The following ACOT7 variants were observed in gnomAD, a reference collection of about 807,000 sequenced individuals.
ACOT7 encodes acyl-CoA thioesterase 7.
Under a neutral mutation model 40.2 loss-of-function variants are expected in ACOT7, and 12 were observed. The observed-to-expected ratio is 0.30, with a 90% CI of 0.19 to 0.48. The LOEUF (loss-of-function observed/expected upper bound fraction) is 0.48. Among genes scored for constraint, ACOT7 ranks in the 20% least tolerant of loss-of-function variants. The probability of loss-of-function intolerance (pLI) is 0.99; values close to 1 mark genes in which losing one functional copy is unlikely to be tolerated. For missense variants in ACOT7, 395 were observed against 530.8 expected, an observed-to-expected ratio of 0.74 and a Z score of 2.51; for synonymous variants, 228 against 219.5, an observed-to-expected ratio of 1.04 and a Z score of -0.34.
In ACOT7 at chr1:6,358,874, C is replaced by T. The variant is rs1438357292; in HGVS notation, c.144-9008G>A. ...GGCTAGGACATCCCAGGATCAGATGCAGAGAAAGGCGAGGGAGCAGGGAAG... is the reference window on the plus strand; with the variant it reads ...GGCTAGGACATCCCAGGATCAGATGTAGAGAAAGGCGAGGGAGCAGGGAAG... On this transcript the variant is annotated intron_variant, in intron 1 of 8. Coordinates refer to ENST00000361521, the MANE Select transcript of ACOT7 (RefSeq NM_007274.4). This position sits in a 1 kb window ranked among gnomAD's most constrained non-coding sequence, Gnocchi z 4.1. 1 of 1,613,438 alleles carries T rather than the reference C, an allele frequency of 6.2e-7. No homozygotes were observed. Among genetic ancestry groups the T allele is most frequent in the East Asian group, 2.2e-5 (1 of 44,844 alleles).
intron 4 of ACOT7, among the ~76,000 whole-genome samples, chr1:6,331,069 G>C (rs1012589692): frequency 6.6e-6 from 1 of 152,120 alleles, no homozygotes; most frequent in Non-Finnish European, 1.5e-5. Context: ...TGCTCCTTAG[G>C]TCTTCAATCA....
Position 6,306,819 on chromosome 1 carries a change from G to C in ACOT7, c.712+11673C>G. ...GCAGTGGGGGCTCCGGCCAAACAAG[G>C]TCACGGAATTGGAAAAGAGTAACTG... On this transcript the variant is annotated intron_variant, in intron 6 of 8. Transcript: ENST00000361521. This position sits in a 1 kb window ranked among gnomAD's most constrained non-coding sequence, Gnocchi z 4.3. The C allele has an allele frequency of 6.2e-6, 8 of 1,289,080 alleles. No individual in the cohort carries two copies. Among genetic ancestry groups the C allele is most frequent in the Non-Finnish European group, 8.1e-6 (8 of 988,638 alleles). 79.9% of individuals were successfully genotyped at this position (1,289,080 alleles called of 1,614,324 possible).
chr1:6,364,173 G>A (rs1156333819), intron 1 of ACOT7, among the ~76,000 whole-genome samples: 3 of 151,354 alleles, frequency 2.0e-5, no homozygotes, highest in African/African-American at 7.3e-5. Flanking sequence ...GCAACAAGAC[G>A]AGACTCCACC....
At position 6,281,095 on chromosome 1, in the gene ACOT7, C is replaced by T. The variant is rs759754776; in HGVS notation, c.1014+7G>A. The T allele has an allele frequency of 5.6e-6, 9 of 1,612,474 alleles. No homozygotes were observed. In the East Asian group the frequency reaches 2.0e-4, roughly 36 times the overall value. On this transcript the variant is annotated splice_region_variant and intron_variant, in intron 8 of 8. Transcript: ENST00000361521. ...GAGGGGCCGCCGTTCCAAGGATGCG[C>T]ACTCACCACCAGCTGGGGCACAGGC...
intron 1 of ACOT7, among the ~76,000 whole-genome samples, chr1:6,381,601 T>C (rs1348040189): frequency 2.0e-5 from 3 of 151,820 alleles, no homozygotes; most frequent in Non-Finnish European, 4.4e-5. Flanking sequence ...TAAAATGGCA[T>C]AGCCGCTGTG....
intron 5 of ACOT7, among the ~76,000 whole-genome samples, chr1:6,326,083 GGCTGCCATCCCGCAT>G (rs1242446571): frequency 2.1e-4 from 32 of 152,202 alleles, no homozygotes; most frequent in African/African-American, 7.7e-4. Context: ...ACCCTCCTCA[GGCTGCCATCCCGCAT>G]GAGGTACCCT....
At chr1:6,341,210 C>A (rs923057193) in intron 2 of ACOT7, among the ~76,000 whole-genome samples, 2 of 151,054 alleles carry the variant, frequency 1.3e-5, no homozygotes, top group African/African-American at 2.4e-5. Flanking sequence ...GGTGCAATCT[C>A]GGTTCACTGC....
At position 6,330,136 on chromosome 1, in the gene ACOT7, TATATATA is replaced by T. The variant is rs775121444; in HGVS notation, c.511-2730_511-2724del. 1.3e-5 allele frequency among the ~76,000 whole-genome samples: 2 copies of T among 152,230 alleles called. No individual in the cohort carries two copies. Among genetic ancestry groups the T allele is most frequent in the Admixed American group, 1.3e-4 (2 of 15,284 alleles). Reference sequence around the variant, plus strand: ...TATGTGACATCTCTATTTGTATGTGTATATATAATATATATCTGTATATCTATACATA... The same window carrying T: ...TATGTGACATCTCTATTTGTATGTGTATATATATCTGTATATCTATACATA... On this transcript the variant is annotated intron_variant, in intron 4 of 8. Transcript: ENST00000361521. This position sits in a 1 kb window ranked among gnomAD's most constrained non-coding sequence, Gnocchi z 4.6.
At chr1:6,336,233 C>T (rs1641097610) in intron 3 of ACOT7, among the ~76,000 whole-genome samples, 1 of 147,320 alleles carries the variant, frequency 6.8e-6, no homozygotes, top group African/African-American at 2.5e-5. Context: ...ACTCGGGAGG[C>T]TGAGGCAGGA....
chr1:6,376,113 T>C (rs6577574), intron 1 of ACOT7, among the ~76,000 whole-genome samples: 54,627 of 151,356 alleles, frequency 0.36, 14,885 homozygotes, highest in African/African-American at 0.77. Context: ...AAATTAGCCA[T>C]GCGTGGTGGC....
rs974012094 is a variant in ACOT7 at position 6,385,930 on chromosome 1, G to A, written c.143+7327C>T. The A allele has an allele frequency of 3.0e-6, 3 of 998,720 alleles. No homozygotes were observed. The African/African-American group carries it at 4.9e-5, about 16-fold the overall frequency. The allele number at this position is 998,720 out of a possible 1,614,324, so 61.9% of individuals were successfully genotyped here. ...ATCCATGACTCGGCCTGAACTCACA[G>A]ACAGGGAAACAGGACAGGGCCACCA... On this transcript the variant is annotated intron_variant, in intron 1 of 8. Coordinates refer to ENST00000361521, the MANE Select transcript of ACOT7 (RefSeq NM_007274.4).
At position 6,352,492 on chromosome 1, in the gene ACOT7, C is replaced by T. The variant is rs1641618665; in HGVS notation, c.144-2626G>A. 6.6e-6 allele frequency among the ~76,000 whole-genome samples: 1 copy of T among 152,246 alleles called. No homozygotes were observed. The highest frequency in any genetic ancestry group is 2.4e-5 in the African/African-American group (1 of 41,472). On this transcript the variant is annotated intron_variant, in intron 1 of 8. Coordinates refer to ENST00000361521, the MANE Select transcript of ACOT7 (RefSeq NM_007274.4). The surrounding 1 kb of genome is among the most constrained non-coding windows in gnomAD (Gnocchi z 4.5). ...TGGCCAAGGCCAACCGTGTCCATCC[C>T]AGGACAGGGTCATGACTGCCTCTGT...
chr1:6,353,619 G>C (rs1283346617), intron 1 of ACOT7, among the ~76,000 whole-genome samples: 2 of 152,252 alleles, frequency 1.3e-5, no homozygotes, highest in Admixed American at 1.3e-4. Flanking sequence ...GGGTGACAGA[G>C]TGAGACTTCG....
At chr1:6,365,751 G>C (rs1271993712) in intron 1 of ACOT7, among the ~76,000 whole-genome samples, 9 of 127,516 alleles carry the variant, frequency 7.1e-5, no homozygotes, top group South Asian at 2.8e-4. Context: ...CTGGGCAACA[G>C]AGCAAGACCC....
At position 6,332,364 on chromosome 1, in the gene ACOT7, C is replaced by T. The variant is rs12025321; in HGVS notation, c.510+1113G>A. Among the ~76,000 whole-genome samples, 269 of 152,244 alleles carry T rather than the reference C, an allele frequency of 1.8e-3. 5 individuals carry two copies. In the East Asian group the frequency reaches 0.048, roughly 27 times the overall value. The stretch of plus-strand genomic sequence containing the variant: ...TGGACTTGCCAATGAACTTGGGGCA[C>T]AGGAGAAGGAGGCGAGGGAGTACTT... On this transcript the variant is annotated intron_variant, in intron 4 of 8. Coordinates refer to ENST00000361521, the MANE Select transcript of ACOT7 (RefSeq NM_007274.4).
intron 2 of ACOT7, 70 bp from the exon 3 acceptor site, chr1:6,339,659 C>T (rs1571322806): frequency 3.9e-6 from 6 of 1,558,288 alleles, no homozygotes; most frequent in Non-Finnish European, 5.2e-6. Context: ...CCAGGACATG[C>T]CCCCTGGAAA....
At chr1:6,308,244 A>AGC (rs1640220865) in intron 6 of ACOT7, among the ~76,000 whole-genome samples, 1 of 136,674 alleles carries the variant, frequency 7.3e-6, no homozygotes, top group African/African-American at 2.6e-5. Flanking sequence ...AGAGGGAACT[A>AGC]CAACCAGGCA....
At position 6,278,020 on chromosome 1, in the gene ACOT7, G is replaced by A. The variant is rs1006620695; in HGVS notation, c.1014+3082C>T. Among the ~76,000 whole-genome samples the A allele has an allele frequency of 6.6e-6, 1 of 152,038 alleles. No homozygotes were observed. The highest frequency in any genetic ancestry group is 2.4e-5 in the African/African-American group (1 of 41,366). ...GTAAGTTTAGAGCTCTGGCTGACCC[G>A]GGCAGCCAGGCGCCTGCTCCTGGAT... On this transcript the variant is annotated intron_variant, in intron 8 of 8. Transcript: ENST00000361521. The surrounding 1 kb of genome is among the most constrained non-coding windows in gnomAD (Gnocchi z 4.1).
chr1:6,319,527 T>C (rs75101463), intron 5 of ACOT7, among the ~76,000 whole-genome samples: 4,192 of 152,320 alleles, frequency 0.028, 204 homozygotes, highest in African/African-American at 0.095. Context: ...GTTATCCTTA[T>C]TGTTTTCTCT....
Sources: allele counts gnomAD v4.1 joint callset (sites outside exome capture counted in the v4.1 genomes callset), GRCh38; gene constraint gnomAD v4.1.1; non-coding constraint Gnocchi (gnomAD v3.1); transcripts MANE v1.5; gene names NCBI Gene and HGNC (gene_info 2026-07-23, HGNC 2026-07-21).